Variants in PDE10A observed in about 807,000 individuals in gnomAD.
PDE10A encodes cAMP and cAMP-inhibited cGMP 3',5'-cyclic phosphodiesterase 10A.
A neutral mutation model predicts 97.7 loss-of-function variants in PDE10A; 39 were observed. The observed-to-expected ratio is 0.40, with a 90% confidence interval of 0.31 to 0.52. PDE10A has a LOEUF of 0.52. Ranked by LOEUF, PDE10A falls within the 20% of genes least tolerant of loss-of-function variation. The probability of loss-of-function intolerance (pLI) is 0.56; values close to 1 mark genes in which losing one functional copy is unlikely to be tolerated. For synonymous variants in PDE10A, 371 were observed against 376.8 expected, an observed-to-expected ratio of 0.98 and a Z score of 0.18; for missense variants, 731 against 1,047.8, an observed-to-expected ratio of 0.70 and a Z score of 4.17.
intron 1 of PDE10A, among the ~76,000 whole-genome samples, chr6:165,837,835 G>A (rs1226487412): frequency 6.6e-6 from 1 of 151,850 alleles, no homozygotes; most frequent in Admixed American, 6.6e-5. Flanking sequence ...ACAGGCGCCC[G>A]CCACCACACC....
chr6:165,825,358 C>A (rs1388538928), intron 1 of PDE10A, among the ~76,000 whole-genome samples: 3 of 151,942 alleles, frequency 2.0e-5, no homozygotes, highest in African/African-American at 7.3e-5. Flanking sequence ...TTTAATTGCA[C>A]CATAAAGGAT....
At position 165,955,733 on chromosome 6, in the gene PDE10A, T is replaced by C. The variant is rs1784116072; in HGVS notation, c.-615+31796A>G. Reference sequence around the variant, plus strand: ...AAAACAACTATGCAAGACCAGAGAATTTAAAGAACTTAAATTCTAGTAACG... The same window carrying C: ...AAAACAACTATGCAAGACCAGAGAACTTAAAGAACTTAAATTCTAGTAACG... On this transcript the variant is annotated intron_variant, in intron 1 of 19. Coordinates refer to the PDE10A transcript ENST00000366882. Among the ~76,000 whole-genome samples, 3 of 152,320 alleles carry C rather than the reference T, an allele frequency of 2.0e-5. No homozygotes were observed. In the South Asian group the frequency reaches 6.2e-4, roughly 32 times the overall value.
At chr6:165,751,275 T>C (rs1208408719) in intron 1 of PDE10A, among the ~76,000 whole-genome samples, 1 of 152,172 alleles carries the variant, frequency 6.6e-6, no homozygotes, top group East Asian at 1.9e-4. Context: ...TCATAAAACC[T>C]TCATCTTTTC....
intron 1 of PDE10A, among the ~76,000 whole-genome samples, chr6:165,810,704 C>G (rs1227566627): frequency 6.6e-6 from 1 of 152,104 alleles, no homozygotes; most frequent in Non-Finnish European, 1.5e-5. Context: ...AGGATGATGT[C>G]CTGGTGTTCT....
At chr6:165,406,442 T>G (rs887952322) in intron 13 of PDE10A, among the ~76,000 whole-genome samples, 1 of 152,190 alleles carries the variant, frequency 6.6e-6, no homozygotes, top group African/African-American at 2.4e-5. Context: ...ATTTACATAA[T>G]TCTCCTTGGA....
intron 1 of PDE10A, among the ~76,000 whole-genome samples, chr6:165,567,795 G>A (rs1784846121): frequency 6.6e-6 from 1 of 151,968 alleles, no homozygotes; most frequent in Non-Finnish European, 1.5e-5. Context: ...AACTAGAATC[G>A]AAATCAAAAC....
At chr6:165,836,410 A>C (rs901328426) in intron 1 of PDE10A, among the ~76,000 whole-genome samples, 1 of 152,196 alleles carries the variant, frequency 6.6e-6, no homozygotes, top group East Asian at 1.9e-4. Context: ...TGAGCTGCTA[A>C]CCCCATGGGG....
rs553765248 is a variant in PDE10A at position 165,963,352 on chromosome 6, A to G, written c.-615+24177T>C. Among the ~76,000 whole-genome samples the G allele has an allele frequency of 2.2e-4, 33 of 152,260 alleles. No homozygotes were observed. In the South Asian group the frequency reaches 6.4e-3, roughly 30 times the overall value. ...AAAACCTCTTTTCCAGCACCCTCTC[A>G]CTGGATACTTACACAGGCCTAGTAG... On this transcript the variant is annotated intron_variant, in intron 1 of 19. Transcript: ENST00000366882.
At chr6:165,361,433 CTCATA>C (rs1783417646) in intron 18 of PDE10A, among the ~76,000 whole-genome samples, 1 of 152,176 alleles carries the variant, frequency 6.6e-6, no homozygotes, top group African/African-American at 2.4e-5. Flanking sequence ...AAAACATATT[CTCATA>C]TGACTATTAT....
chr6:165,501,126 C>T (rs994113170), intron 2 of PDE10A, among the ~76,000 whole-genome samples: 34 of 152,240 alleles, frequency 2.2e-4, no homozygotes, highest in African/African-American at 7.2e-4. Context: ...TGCTGAGCGC[C>T]GGTACCCTGG....
At chr6:165,985,937 G>T (rs766846544) in intron 1 of PDE10A, among the ~76,000 whole-genome samples, 2 of 148,714 alleles carry the variant, frequency 1.3e-5, no homozygotes, top group Non-Finnish European at 3.0e-5. Context: ...CCCGTATCCT[G>T]AAGAAACACG....
chr6:165,607,506 G>A lies in PDE10A; in HGVS notation c.865+54441C>T, dbSNP rs116570179. Among the ~76,000 whole-genome samples the A allele has an allele frequency of 9.5e-3, 1,452 of 152,212 alleles. 22 individuals are homozygous for A. The highest frequency in any genetic ancestry group is 0.033 in the African/African-American group (1,379 of 41,516). Reference sequence around the variant, plus strand: ...AGCAGTAGGCCACACACAGAGCCTAGGTGTGTGGCAGCCTGTACCATCTAG... The same window carrying A: ...AGCAGTAGGCCACACACAGAGCCTAAGTGTGTGGCAGCCTGTACCATCTAG... On this transcript the variant is annotated intron_variant, in intron 1 of 21. Coordinates refer to ENST00000539869, the MANE Select transcript of PDE10A (RefSeq NM_001385079.1).
intron 1 of PDE10A, among the ~76,000 whole-genome samples, chr6:165,897,085 G>A (rs1174559449): frequency 6.6e-6 from 1 of 152,174 alleles, no homozygotes; most frequent in Non-Finnish European, 1.5e-5. Context: ...AAAAATATGG[G>A]CAATTCTTGT....
intron 1 of PDE10A, among the ~76,000 whole-genome samples, chr6:165,985,598 A>C (rs1785167855): frequency 1.3e-5 from 2 of 152,182 alleles, no homozygotes. Flanking sequence ...GCATCCCTGG[A>C]CTGGAGAAGC....
intron 1 of PDE10A, among the ~76,000 whole-genome samples, chr6:165,852,190 G>A (rs1339800751): frequency 1.3e-5 from 2 of 152,204 alleles, no homozygotes; most frequent in African/African-American, 4.8e-5. Context: ...TTAGAAGCCT[G>A]TGAGGCCCTT....
chr6:165,895,431 C>A (rs755107976), intron 1 of PDE10A, among the ~76,000 whole-genome samples: 3 of 152,148 alleles, frequency 2.0e-5, no homozygotes, highest in Non-Finnish European at 4.4e-5. Context: ...GAGGAAGGAT[C>A]CTCCGTGGTG....
intron 1 of PDE10A, among the ~76,000 whole-genome samples, chr6:165,687,302 T>C (rs946612255): frequency 4.6e-5 from 7 of 152,222 alleles, no homozygotes; most frequent in Non-Finnish European, 1.0e-4. Flanking sequence ...TGGGAAGGTT[T>C]CTTAACTAGG....
intron 1 of PDE10A, among the ~76,000 whole-genome samples, chr6:165,765,843 C>T (rs1777834584): frequency 6.6e-6 from 1 of 152,198 alleles, no homozygotes; most frequent in South Asian, 2.1e-4. Context: ...CCCGCTGTCA[C>T]CTCTCATTGG....
At chr6:165,983,193 G>C (rs1019921340) in intron 1 of PDE10A, among the ~76,000 whole-genome samples, 3 of 152,156 alleles carry the variant, frequency 2.0e-5, no homozygotes, top group African/African-American at 4.8e-5. Flanking sequence ...AATTAAGCAG[G>C]CCGGATCTAT....
Sources: gnomAD v4.1 joint callset for allele counts (sites outside exome capture counted in the v4.1 genomes callset) on GRCh38, gnomAD v4.1.1 for gene constraint, MANE v1.5 for transcripts, NCBI Gene and HGNC (gene_info 2026-07-23, HGNC 2026-07-21) for gene names.